The following TGIF1 variants were observed in gnomAD, a reference collection of about 807,000 sequenced individuals.
The protein encoded by TGIF1 is TGFB induced factor homeobox 1.
In TGIF1, 4 loss-of-function variants were observed where a neutral mutation model predicts 19.3. That is an observed-to-expected ratio of 0.21 (90% confidence interval 0.10 to 0.47). The LOEUF is 0.47. Ranked by LOEUF, TGIF1 falls within the 20% of genes least tolerant of loss-of-function variation. The pLI is 0.98. For missense variants in TGIF1, 275 were observed against 341.4 expected, an observed-to-expected ratio of 0.81 and a Z score of 1.53; for synonymous variants, 122 against 129.3, an observed-to-expected ratio of 0.94 and a Z score of 0.38.
chr18:3,452,005 C>G, intron 1 of TGIF1: 1 of 1,604,970 alleles, frequency 6.2e-7, no homozygotes, highest in Non-Finnish European at 8.5e-7. Flanking sequence ...AGCCGGGTGT[C>G]TGCCGGGGTG....
intron 2 of TGIF1, among the ~76,000 whole-genome samples, chr18:3,435,195 A>G (rs1342055223): frequency 1.3e-5 from 2 of 151,354 alleles, no homozygotes; most frequent in Non-Finnish European, 2.9e-5. Context: ...AAAACCCTAT[A>G]TATATTTTTT....
intron 2 of TGIF1, among the ~76,000 whole-genome samples, chr18:3,435,235 C>T (rs1304685539): frequency 6.6e-6 from 1 of 151,936 alleles, no homozygotes; most frequent in Non-Finnish European, 1.5e-5. Flanking sequence ...CTCTCTTGCC[C>T]AGGCTGGAGT....
At chr18:3,419,744 G>A (rs865811158) in intron 2 of TGIF1, among the ~76,000 whole-genome samples, 11 of 152,296 alleles carry the variant, frequency 7.2e-5, no homozygotes, top group Middle Eastern at 3.4e-3. Context: ...GGTGGCTCAC[G>A]CCTGTAATCC....
chr18:3,447,771 C>A, upstream of TGIF1: 1 of 1,614,168 alleles, frequency 6.2e-7, no homozygotes, highest in Non-Finnish European at 8.5e-7. Context: ...TGTGCATTGG[C>A]CCGATCAAGC....
chr18:3,429,812 AATCACTAT>A (rs2082523170), intron 2 of TGIF1, among the ~76,000 whole-genome samples: 2 of 152,244 alleles, frequency 1.3e-5, no homozygotes, highest in Admixed American at 6.5e-5. Context: ...TCTGAGAAAC[AATCACTAT>A]TGTGTTTTAG....
upstream of TGIF1, among the ~76,000 whole-genome samples, chr18:3,445,761 A>AAG (rs2082736068): frequency 8.8e-6 from 1 of 114,190 alleles, no homozygotes; most frequent in African/African-American, 3.5e-5. Flanking sequence ...AAAGAGAAGA[A>AAG]AAGCAAAAAA....
rs1415711306 is a variant in TGIF1 at position 3,450,558 on chromosome 18, G to A, written c.16+53G>A. 5.2e-6 allele frequency: 8 copies of A among 1,551,202 alleles called. No individual in the cohort carries two copies. In the African/African-American group the frequency reaches 5.5e-5, roughly 11 times the overall value. ...AGAAGACGCGAGTCCGGGGAAACGT[G>A]CTGGCCGGGCCGCGCCGCGCGGAGT... On this transcript the variant is annotated intron_variant, in intron 1 of 2. Transcript: ENST00000343820.
chr18:3,458,127 T>G lies in TGIF1; in HGVS notation c.*187T>G. 3.4e-6 allele frequency: 2 copies of G among 593,878 alleles called. No individual in the cohort carries two copies. Among genetic ancestry groups the G allele is most frequent in the Non-Finnish European group, 5.8e-6 (2 of 342,742 alleles). The allele number at this position is 593,878 out of a possible 1,614,324, so 36.8% of individuals were successfully genotyped here. ...AAGAACTATAAACTTAAAGCTACTGTAGAAACAAAGGGTTTTCTTTTTTAA... is the reference window on the plus strand; with the variant it reads ...AAGAACTATAAACTTAAAGCTACTGGAGAAACAAAGGGTTTTCTTTTTTAA... On this transcript the variant is annotated 3_prime_UTR_variant, in exon 3 of 3. Transcript: ENST00000343820.
At chr18:3,420,245 A>G (rs983235254) in intron 2 of TGIF1, among the ~76,000 whole-genome samples, 1 of 151,276 alleles carries the variant, frequency 6.6e-6, no homozygotes, top group Non-Finnish European at 1.5e-5. Flanking sequence ...GTCATGCTTG[A>G]TGGTGGGTGC....
Position 3,456,311 on chromosome 18 carries a change from G to A in TGIF1, c.17-43G>A, listed in dbSNP as rs376611985. On this transcript the variant is annotated intron_variant, in intron 1 of 2. Coordinates refer to ENST00000343820, the MANE Select transcript of TGIF1 (RefSeq NM_003244.4). The surrounding 1 kb of genome is among the most constrained non-coding windows in gnomAD (Gnocchi z 4.2). ...TTAAGTGAGCTTTGCAATAGTTGCT[G>A]TGCTTATAAAGCAACTGACAACTGG... 1.4e-5 allele frequency: 22 copies of A among 1,558,766 alleles called. No homozygotes were observed. Among genetic ancestry groups the A allele is most frequent in the Non-Finnish European group, 1.9e-5 (21 of 1,129,964 alleles).
chr18:3,420,382 C>CA (rs1219917692), intron 2 of TGIF1, among the ~76,000 whole-genome samples: 39 of 140,808 alleles, frequency 2.8e-4, no homozygotes, highest in South Asian at 2.3e-3. Context: ...GACTCCCTCT[C>CA]AAAAAAAAAA....
upstream of TGIF1, chr18:3,448,222 G>A: frequency 3.0e-6 from 3 of 985,368 alleles, no homozygotes; most frequent in Non-Finnish European, 3.6e-6. Flanking sequence ...CTGCCACTCA[G>A]GCCGCGGAGT....
intron 2 of TGIF1, among the ~76,000 whole-genome samples, chr18:3,433,599 C>T (rs2082578825): frequency 6.6e-6 from 1 of 152,084 alleles, no homozygotes; most frequent in Non-Finnish European, 1.5e-5. Context: ...TTAGAATGAA[C>T]TAGAATACAG....
Position 3,456,670 on chromosome 18 carries a change from T to C in TGIF1, c.243+90T>C, listed in dbSNP as rs1568054071. The C allele has an allele frequency of 8.6e-7, 1 of 1,163,762 alleles. No individual in the cohort carries two copies. Among genetic ancestry groups the C allele is most frequent in the Non-Finnish European group, 1.3e-6 (1 of 782,880 alleles). The allele number at this position is 1,163,762 out of a possible 1,614,324, so 72.1% of individuals were successfully genotyped here. ...CTGTGTGTCAAGTCATTAAGCTCCT[T>C]GCCACTCAAAGACAGAAGGAATATC... On this transcript the variant is annotated intron_variant, in intron 2 of 2. Coordinates refer to ENST00000343820, the MANE Select transcript of TGIF1 (RefSeq NM_003244.4). This position sits in a 1 kb window ranked among gnomAD's most constrained non-coding sequence, Gnocchi z 4.2.
At position 3,459,609 on chromosome 18, in the gene TGIF1, G is replaced by A. The variant is rs1159751975; in HGVS notation, c.*1669G>A. ...GAATCATTACTTGCTCCAACAGCTA[G>A]ATCAAAGGCTGAACATTTTGCTTTA... On this transcript the variant is annotated 3_prime_UTR_variant, in exon 3 of 3. Transcript: ENST00000343820. The A allele has an allele frequency of 6.6e-6, 1 of 152,216 alleles. No homozygotes were observed. The highest frequency in any genetic ancestry group is 2.4e-5 in the African/African-American group (1 of 41,450). 9.4% of individuals were successfully genotyped at this position (152,216 alleles called of 1,614,324 possible).
At chr18:3,416,157 T>C (rs187163995) in intron 1 of TGIF1, among the ~76,000 whole-genome samples, 75 of 152,364 alleles carry the variant, frequency 4.9e-4, no homozygotes, top group Admixed American at 1.5e-3. Context: ...CAGTTTCCTT[T>C]CCCTTGTAAG....
At chr18:3,441,454 G>A (rs2082677182) in intron 2 of TGIF1, among the ~76,000 whole-genome samples, 1 of 152,056 alleles carries the variant, frequency 6.6e-6, no homozygotes, top group Non-Finnish European at 1.5e-5. Context: ...TTGGTGTGGG[G>A]GCTGTGGTGT....
chr18:3,422,352 A>G (rs1189000765), intron 2 of TGIF1, among the ~76,000 whole-genome samples: 2 of 150,978 alleles, frequency 1.3e-5, no homozygotes, highest in African/African-American at 4.8e-5. Flanking sequence ...GAATATGGAC[A>G]TGAAGAACGA....
chr18:3,447,827 C>G (rs113866405), upstream of TGIF1: 1,125 of 1,613,866 alleles, frequency 7.0e-4, 11 homozygotes, highest in African/African-American at 0.013. Flanking sequence ...TTTTCCTCCC[C>G]CTAATTCGAA....
Sources: gnomAD v4.1 joint callset for allele counts (sites outside exome capture counted in the v4.1 genomes callset) on GRCh38, gnomAD v4.1.1 for gene constraint, Gnocchi (gnomAD v3.1) non-coding constraint, MANE v1.5 for transcripts, NCBI Gene and HGNC (gene_info 2026-07-23, HGNC 2026-07-21) for gene names.